The following UGT1A6 variants were observed in gnomAD, a reference collection of about 807,000 sequenced individuals.
UGT1A6 encodes UDP-glucuronosyltransferase 1A6.
A neutral mutation model predicts 44.4 loss-of-function variants in UGT1A6; 32 were observed. The observed-to-expected ratio is 0.72, with a 90% CI of 0.54 to 0.97. UGT1A6 has a LOEUF of 0.97. UGT1A6 is among the 50% of genes least tolerant of loss of function. The pLI, the probability that UGT1A6 is intolerant of heterozygous loss-of-function variation, is 0.00. For missense variants in UGT1A6, 685 were observed against 661.9 expected (o/e 1.03, Z -0.38); for synonymous variants, 238 against 248.5 (o/e 0.96, Z 0.40).
upstream of UGT1A6, chr2:233,692,226 T>C (rs2075085606): frequency 6.6e-6 from 1 of 152,364 alleles, no homozygotes; most frequent in Non-Finnish European, 1.5e-5. Context: ...AGATGGCAGA[T>C]GGGGCTCCAT....
In UGT1A6 at chr2:233,767,859, G is replaced by C. The variant is rs750453538; in HGVS notation, c.1004G>C (p.Arg335Pro). ...LGKIPQTVLWRYTGTRPSNLA... is the reference protein window; with the variant it reads ...LGKIPQTVLWPYTGTRPSNLA... Reference sequence around the variant, plus strand: ...TTTTGCCCCTCCCAGGTCCTGTGGCGGTACACTGGAACCCGACCATCGAAT... The same window carrying C: ...TTTTGCCCCTCCCAGGTCCTGTGGCCGTACACTGGAACCCGACCATCGAAT... Residue 335 changes from arginine to proline, a missense_variant, in exon 3 of 5, where the codon CGG becomes CCG. Physicochemically the swap from Arg to Pro is moderately radical, Grantham distance 103 (BLOSUM62 -2). Transcript: ENST00000305139. 6.2e-7 allele frequency: 1 copy of C among 1,613,938 alleles called. No individual in the cohort carries two copies. The highest frequency in any genetic ancestry group is 1.3e-5 in the African/African-American group (1 of 74,850).
Position 233,751,308 on chromosome 2 carries a change from C to T in UGT1A6, c.862-15726C>T, listed in dbSNP as rs184289670. ...CCCATTTGGAATGGGAATATTTACC[C>T]AATTTCTGTACCCCCATTGTGTCTT... On this transcript the variant is annotated intron_variant, in intron 1 of 4. Coordinates refer to ENST00000305139, the MANE Select transcript of UGT1A6 (RefSeq NM_001072.4). Among the ~76,000 whole-genome samples the T allele has an allele frequency of 1.2e-3, 189 of 152,106 alleles. 2 individuals carry two copies. Among genetic ancestry groups the T allele is most frequent in the African/African-American group, 4.3e-3 (176 of 41,336 alleles).
chr2:233,760,379 TG>T (rs1308601724), intron 1 of UGT1A6: 1 of 1,614,196 alleles, frequency 6.2e-7, no homozygotes, highest in East Asian at 2.2e-5. Flanking sequence ...GGGAAGATAC[TG>T]TTGATCCCAG....
chr2:233,772,326 C>A lies in UGT1A6; in HGVS notation c.1366C>A (p.Leu456Met), dbSNP rs767264478. ...HKDRPVEPLDLAVFWVEFVMR... is the reference protein window; with the variant it reads ...HKDRPVEPLDMAVFWVEFVMR... The stretch of plus-strand genomic sequence containing the variant: ...GGACCGCCCGGTGGAGCCGCTGGAC[C>A]TGGCCGTGTTCTGGGTGGAGTTTGT... The change falls in exon 5 of 5, where the codon CTG becomes ATG. Residue 456 changes from leucine (L) to methionine (M), a missense_variant. Coordinates refer to ENST00000305139, the MANE Select transcript of UGT1A6 (RefSeq NM_001072.4). 1 of 1,614,166 alleles carries A rather than the reference C, an allele frequency of 6.2e-7. No homozygotes were observed. The highest frequency in any genetic ancestry group is 8.5e-7 in the Non-Finnish European group (1 of 1,180,028).
chr2:233,747,249 G>A (rs1310551227), intron 1 of UGT1A6: 19 of 1,600,704 alleles, frequency 1.2e-5, no homozygotes, highest in Non-Finnish European at 1.6e-5. Flanking sequence ...TGCTGTGGCT[G>A]GCCACAGGAG....
Position 233,772,766 on chromosome 2 carries a change from C to G in UGT1A6, c.*207C>G. The stretch of plus-strand genomic sequence containing the variant: ...AGATATTTGAATATGTATCGTGCCC[C>G]CTCTGGTGTCTTTGATCAGGATGAC... On this transcript the variant is annotated 3_prime_UTR_variant, in exon 5 of 5. Transcript: ENST00000305139. 1 of 1,374,588 alleles carries G rather than the reference C, an allele frequency of 7.3e-7. No homozygotes were observed. Among genetic ancestry groups the G allele is most frequent in the Non-Finnish European group, 9.5e-7 (1 of 1,047,350 alleles). 85.1% of individuals were successfully genotyped at this position (1,374,588 alleles called of 1,614,324 possible).
intron 1 of UGT1A6, among the ~76,000 whole-genome samples, chr2:233,715,165 C>T (rs971455001): frequency 3.9e-5 from 6 of 152,048 alleles, no homozygotes; most frequent in East Asian, 1.9e-4. Flanking sequence ...GAATTACAGG[C>T]GCGAGCCACC....
rs555064194 is a variant in UGT1A6 at position 233,744,160 on chromosome 2, C to T, written c.862-22874C>T. ...TGTGATGCTCCAAGACCAGGCCCCG[C>T]CCACTCCGGCCTCCAACCAGCCATG... On this transcript the variant is annotated intron_variant, in intron 1 of 4. Coordinates refer to ENST00000305139, the MANE Select transcript of UGT1A6 (RefSeq NM_001072.4). 16 of 294,652 alleles carry T rather than the reference C, an allele frequency of 5.4e-5. No homozygotes were observed. In the East Asian group the frequency reaches 1.5e-3, roughly 28 times the overall value. 18.3% of individuals were successfully genotyped at this position (294,652 alleles called of 1,614,324 possible).
intron 1 of UGT1A6, among the ~76,000 whole-genome samples, chr2:233,738,473 C>G (rs1020432064): frequency 1.3e-5 from 2 of 152,168 alleles, no homozygotes; most frequent in Non-Finnish European, 1.5e-5. Flanking sequence ...TTTGGAACTT[C>G]CTGGAGACTT....
At chr2:233,727,806 G>A (rs543849298) in intron 1 of UGT1A6, among the ~76,000 whole-genome samples, 1 of 152,288 alleles carries the variant, frequency 6.6e-6, no homozygotes, top group East Asian at 1.9e-4. Flanking sequence ...TGTCCCATGG[G>A]TTCTGTCCAA....
chr2:233,734,445 A>G (rs1034867572), intron 1 of UGT1A6, among the ~76,000 whole-genome samples: 11 of 144,918 alleles, frequency 7.6e-5, no homozygotes, highest in African/African-American at 3.0e-4. Flanking sequence ...CCAGAGGTCT[A>G]TCAATTTTCA....
At chr2:233,712,194 G>T (rs796216388) in intron 1 of UGT1A6, among the ~76,000 whole-genome samples, 1 of 152,168 alleles carries the variant, frequency 6.6e-6, no homozygotes, top group Non-Finnish European at 1.5e-5. Context: ...CAGCTCCCCC[G>T]GTCCCTTGGT....
chr2:233,725,967 A>G (rs2077486962), intron 1 of UGT1A6, among the ~76,000 whole-genome samples: 1 of 152,078 alleles, frequency 6.6e-6, no homozygotes, highest in Non-Finnish European at 1.5e-5. Flanking sequence ...GGAGTCTGAG[A>G]GCAGCCTGGG....
intron 1 of UGT1A6, among the ~76,000 whole-genome samples, chr2:233,706,676 C>T (rs2075918998): frequency 6.6e-6 from 1 of 152,132 alleles, no homozygotes; most frequent in African/African-American, 2.4e-5. Context: ...TTCTACTCCC[C>T]ACCCCACTCC....
At chr2:233,754,961 G>A (rs760905245) in intron 1 of UGT1A6, 13 of 1,310,256 alleles carry the variant, frequency 9.9e-6, no homozygotes, top group Admixed American at 9.5e-5. Flanking sequence ...GGCCGCCAAA[G>A]AACTCCCTGA....
At chr2:233,741,541 C>T (rs1479891345) in intron 1 of UGT1A6, 1 of 151,844 alleles carries the variant, frequency 6.6e-6, no homozygotes, top group Non-Finnish European at 1.5e-5. Flanking sequence ...TATTCTGATA[C>T]TTCTTTTATG....
intron 1 of UGT1A6, chr2:233,713,265 C>G (rs770209123): frequency 1.2e-6 from 2 of 1,614,226 alleles, no homozygotes; most frequent in Non-Finnish European, 1.7e-6. Context: ...ATTTGATCGC[C>G]TTTTGCTGGG....
chr2:233,704,415 CA>C lies in UGT1A6; in HGVS notation c.861+10552del, dbSNP rs1201180992. On this transcript the variant is annotated intron_variant, in intron 1 of 4. Transcript: ENST00000305139. Reference sequence around the variant, plus strand: ...ACCAGTATCTACTTCAGATTTATACCAACTTAATTCCAGTTAAATATTGAAA... The same window carrying C: ...ACCAGTATCTACTTCAGATTTATACCACTTAATTCCAGTTAAATATTGAAA... Among the ~76,000 whole-genome samples the C allele has an allele frequency of 2.0e-5, 3 of 152,056 alleles. No homozygotes were observed. The East Asian group carries it at 5.8e-4, about 29-fold the overall frequency.
chr2:233,762,122 C>T (rs1697975314), intron 1 of UGT1A6, among the ~76,000 whole-genome samples: 1 of 152,090 alleles, frequency 6.6e-6, no homozygotes, highest in South Asian at 2.1e-4. Flanking sequence ...CATCATGAGC[C>T]ATGTGGGGAC....
Sources: allele counts gnomAD v4.1 joint callset (sites outside exome capture counted in the v4.1 genomes callset), GRCh38; gene constraint gnomAD v4.1.1; transcripts MANE v1.5; gene names NCBI Gene and HGNC (gene_info 2026-07-23, HGNC 2026-07-21).